Variants in MYO9B observed in about 807,000 individuals in gnomAD.
MYO9B encodes myosin IXB.
In MYO9B, 71 loss-of-function variants were observed where a neutral mutation model predicts 229.5. The ratio of observed to expected loss-of-function variants is 0.31; its 90% CI spans 0.26 to 0.38. The LOEUF (loss-of-function observed/expected upper bound fraction) is 0.38, where lower values mean the gene tolerates loss of function less well. Ranked by LOEUF, MYO9B falls within the 10% of genes least tolerant of loss-of-function variation. MYO9B has a pLI of 1.00. For missense variants in MYO9B, 2,255 were observed against 2,920.5 expected (o/e 0.77, Z 5.25); for synonymous variants, 1,185 against 1,235.8 (o/e 0.96, Z 0.86).
intron 2 of MYO9B, among the ~76,000 whole-genome samples, chr19:17,118,421 C>T (rs890981614): frequency 2.0e-5 from 3 of 151,826 alleles, no homozygotes; most frequent in African/African-American, 4.8e-5. Context: ...GACAACATAG[C>T]GAGAGCCTGT....
At chr19:17,152,458 G>T (rs995941572) in intron 3 of MYO9B, 186 bp from the exon 4 acceptor site, 2 of 503,414 alleles carry the variant, frequency 4.0e-6, no homozygotes. Context: ...AACCACTGTG[G>T]GGGCCGAGGC....
chr19:17,202,018 T>G lies in MYO9B; in HGVS notation c.4656T>G (p.Ser1552=). ...KFRSNIKTMY[S]VPNGKIHVGY... ...GGAGCAACATCAAAACGATGTACTC[T>G]GTCCCGGTATGTGGCGGCCCGGCCT... Residue 1552 remains serine (S), a synonymous_variant, in exon 27 of 40, where the codon TCT becomes TCG. Transcript: ENST00000682292. 1 of 1,611,582 alleles carries G rather than the reference T, an allele frequency of 6.2e-7. No homozygotes were observed. The highest frequency in any genetic ancestry group is 1.1e-5 in the South Asian group (1 of 90,730).
At position 17,211,639 on chromosome 19, in the gene MYO9B, T is replaced by A; in HGVS notation, c.5931-8T>A. On this transcript the variant is annotated splice_region_variant and splice_polypyrimidine_tract_variant and intron_variant, in intron 38 of 39. Coordinates refer to ENST00000682292, the MANE Select transcript of MYO9B (RefSeq NM_004145.4). ...TGGCCTTGGACACCACTACCCTTTT[T>A]CCTCCAGGGAGGACATCACCTACCG... 6.3e-7 allele frequency: 1 copy of A among 1,591,942 alleles called. No homozygotes were observed. The highest frequency in any genetic ancestry group is 8.6e-7 in the Non-Finnish European group (1 of 1,169,274).
At position 17,200,831 on chromosome 19, in the gene MYO9B, TGG is replaced by T. The variant is rs752011703; in HGVS notation, c.4563+4_4563+5del. The T allele has an allele frequency of 4.3e-6, 7 of 1,612,832 alleles. No individual in the cohort carries two copies. Among genetic ancestry groups the T allele is most frequent in the Non-Finnish European group, 4.2e-6 (5 of 1,178,960 alleles). On this transcript the variant is annotated splice_donor_region_variant and intron_variant, in intron 26 of 39. Transcript: ENST00000682292. ...CTGGACGAGTTCCTGCTCAACAAGG[TGG>T]GATCACTAGGCGAGGGCCAGGGGCA...
chr19:17,126,728 G>A (rs961874644), intron 2 of MYO9B, among the ~76,000 whole-genome samples: 3 of 147,034 alleles, frequency 2.0e-5, no homozygotes, highest in Non-Finnish European at 3.0e-5. Context: ...GCAGTGGTGC[G>A]ATCTCAGCTC....
At chr19:17,131,698 G>A (rs2072198240) in intron 2 of MYO9B, among the ~76,000 whole-genome samples, 1 of 152,146 alleles carries the variant, frequency 6.6e-6, no homozygotes. Context: ...TCCCTGGTGG[G>A]CACATGGCAT....
intron 13 of MYO9B, among the ~76,000 whole-genome samples, chr19:17,175,226 C>T (rs751116222): frequency 8.7e-5 from 13 of 150,258 alleles, no homozygotes; most frequent in African/African-American, 2.7e-4. Context: ...GAGCTGTGAT[C>T]GCACCACTGC....
rs193202835 is a variant in MYO9B, at chr19:17,084,974, A to G, written c.-59+9100A>G. The stretch of plus-strand genomic sequence containing the variant: ...CTGAGGACAGAGTCAGCTCCAGGGG[A>G]GAAACAATGATATAGAAGAACACCA... On this transcript the variant is annotated intron_variant, in intron 1 of 39. Coordinates refer to ENST00000682292, the MANE Select transcript of MYO9B (RefSeq NM_004145.4). 3.2e-4 allele frequency among the ~76,000 whole-genome samples: 49 copies of G among 152,228 alleles called. 2 individuals are homozygous for G. The East Asian group carries it at 6.4e-3, about 20-fold the overall frequency.
intron 3 of MYO9B, among the ~76,000 whole-genome samples, chr19:17,149,560 G>A (rs370134058): frequency 1.8e-4 from 27 of 152,170 alleles, no homozygotes; most frequent in Admixed American, 2.6e-4. Context: ...TCGCCCCAGG[G>A]AGGGAGGTGC....
intron 1 of MYO9B, among the ~76,000 whole-genome samples, chr19:17,092,620 G>C (rs1417275918): frequency 6.6e-6 from 1 of 151,914 alleles, no homozygotes; most frequent in Non-Finnish European, 1.5e-5. Context: ...AGCTACATGG[G>C]AGGCTGAAGC....
Position 17,154,315 on chromosome 19 carries a change from C to T in MYO9B, c.1099C>T (p.His367Tyr). 1 of 1,610,726 alleles carries T rather than the reference C, an allele frequency of 6.2e-7. No individual in the cohort carries two copies. Among genetic ancestry groups the T allele is most frequent in the Non-Finnish European group, 8.5e-7 (1 of 1,177,486 alleles). ...GAGTACCCATGCCTTTGTTTTCCAG[C>T]ATAACTTGAAGATTGAAGATGGGGA... ...QPEDYFYLNQ[H>Y]NLKIEDGEDL... is the part of the protein sequence containing the mutation. Residue 367 changes from histidine (H) to tyrosine (Y), a missense_variant and splice_region_variant, in exon 6 of 40, where the codon CAT (histidine) becomes TAT (tyrosine). Physicochemically the swap from His to Tyr is moderately conservative, Grantham distance 83 (BLOSUM62 2). Transcript: ENST00000682292.
At chr19:17,120,570 G>A (rs1305596913) in intron 2 of MYO9B, among the ~76,000 whole-genome samples, 1 of 146,192 alleles carries the variant, frequency 6.8e-6, no homozygotes, top group Non-Finnish European at 1.5e-5. Context: ...AGGAGGCAGA[G>A]GTTATAGTTG....
At chr19:17,079,726 C>G (rs1423531294) in intron 1 of MYO9B, among the ~76,000 whole-genome samples, 2 of 152,192 alleles carry the variant, frequency 1.3e-5, no homozygotes, top group Admixed American at 6.6e-5. Flanking sequence ...GACTGACGGT[C>G]CCTTCTGGGT....
rs752437204 is a variant in MYO9B, at chr19:17,198,178, T to C, written c.4114-6T>C. On this transcript the variant is annotated splice_polypyrimidine_tract_variant and splice_region_variant and intron_variant, in intron 23 of 39. Transcript: ENST00000682292. ...CTTAGCAGCCCCCCACTGCACCGTC[T>C]TGCAGCCTGCAGCAGAAACCACGGA... 1.2e-6 allele frequency: 2 copies of C among 1,613,660 alleles called. No individual in the cohort carries two copies. The highest frequency in any genetic ancestry group is 1.7e-6 in the Non-Finnish European group (2 of 1,179,852).
At chr19:17,144,142 G>A (rs897989448) in intron 2 of MYO9B, among the ~76,000 whole-genome samples, 3 of 151,788 alleles carry the variant, frequency 2.0e-5, no homozygotes, top group Non-Finnish European at 4.4e-5. Flanking sequence ...CTTGAGCCTG[G>A]GAGACAGAAG....
At chr19:17,197,143 G>A (rs2145470522) in intron 22 of MYO9B, among the ~76,000 whole-genome samples, 1 of 152,146 alleles carries the variant, frequency 6.6e-6, no homozygotes, top group South Asian at 2.1e-4. Context: ...TGGATGTGTT[G>A]GCGCATGCCT....
At chr19:17,119,556 A>C (rs1246407821) in intron 2 of MYO9B, among the ~76,000 whole-genome samples, 2 of 152,178 alleles carry the variant, frequency 1.3e-5, no homozygotes, top group African/African-American at 4.8e-5. Flanking sequence ...AAAAGCAGAG[A>C]TGCCCCGTGG....
At chr19:17,086,636 T>C (rs956902536) in intron 1 of MYO9B, among the ~76,000 whole-genome samples, 1 of 152,060 alleles carries the variant, frequency 6.6e-6, no homozygotes, top group South Asian at 2.1e-4. Flanking sequence ...TTCTAACACT[T>C]TGGGAAGCTG....
chr19:17,177,837 T>G (rs1568287384), intron 14 of MYO9B: 1 of 152,326 alleles, frequency 6.6e-6, no homozygotes, highest in Non-Finnish European at 1.5e-5. Context: ...CTCTGAGGAG[T>G]TCGATATTAA....
Sources: allele counts gnomAD v4.1 joint callset (sites outside exome capture counted in the v4.1 genomes callset), GRCh38; gene constraint gnomAD v4.1.1; transcripts MANE v1.5; gene names NCBI Gene and HGNC (gene_info 2026-07-23, HGNC 2026-07-21).